GPR161: variants seen among roughly 807,000 people sequenced by gnomAD.
GPR161 encodes G protein-coupled receptor 161.
A neutral mutation model predicts 39.2 loss-of-function variants in GPR161; 25 were observed. That is an observed-to-expected ratio of 0.64 (90% CI 0.47 to 0.89). GPR161 has a LOEUF of 0.89. Among genes scored for constraint, GPR161 ranks in the 40% least tolerant of loss-of-function variants. The probability of loss-of-function intolerance (pLI) is 0.00; values close to 1 mark genes in which losing one functional copy is unlikely to be tolerated. For missense variants in GPR161, 547 were observed against 677.8 expected, an observed-to-expected ratio of 0.81 and a Z score of 2.14; for synonymous variants, 286 against 276.6, an observed-to-expected ratio of 1.03 and a Z score of -0.34.
At chr1:168,095,811 CA>C (rs1327901880) in intron 3 of GPR161, among the ~76,000 whole-genome samples, 3 of 152,000 alleles carry the variant, frequency 2.0e-5, no homozygotes, top group Non-Finnish European at 4.4e-5. Context: ...TGGCCTGGTC[CA>C]ATGCTTGGAT....
chr1:168,122,995 G>A (rs560303456), intron 1 of GPR161, among the ~76,000 whole-genome samples: 2 of 152,180 alleles, frequency 1.3e-5, no homozygotes, highest in Non-Finnish European at 2.9e-5. Flanking sequence ...AATAAATATA[G>A]GAACAATGGG....
intron 1 of GPR161, among the ~76,000 whole-genome samples, chr1:168,122,474 A>G (rs1698255489): frequency 6.6e-6 from 1 of 152,132 alleles, no homozygotes; most frequent in Non-Finnish European, 1.5e-5. Context: ...CAGACATCAA[A>G]ACAAGTCACG....
intron 3 of GPR161, among the ~76,000 whole-genome samples, chr1:168,091,410 A>G (rs1313149897): frequency 6.6e-6 from 1 of 152,154 alleles, no homozygotes; most frequent in Non-Finnish European, 1.5e-5. Flanking sequence ...TGTCCCACTT[A>G]ACCTGGGCTG....
intron 3 of GPR161, among the ~76,000 whole-genome samples, chr1:168,091,193 C>T (rs1026368873): frequency 2.0e-5 from 3 of 152,100 alleles, no homozygotes; most frequent in South Asian, 2.1e-4. Context: ...GCAGGCTTCA[C>T]CAGGCTCTGA....
chr1:168,118,306 A>G (rs754000890), intron 1 of GPR161, among the ~76,000 whole-genome samples: 10 of 152,196 alleles, frequency 6.6e-5, no homozygotes, highest in Non-Finnish European at 1.3e-4. Flanking sequence ...AACACAAACA[A>G]TCCAATTCAA....
Position 168,085,393 on chromosome 1 carries a change from C to G in GPR161, c.*138G>C. Reference sequence around the variant, plus strand: ...TTTTCAGTCCTTGTCCTGGTGGCTGCATACCAGATGCTGCTCCTTCCCTGT... The same window carrying G: ...TTTTCAGTCCTTGTCCTGGTGGCTGGATACCAGATGCTGCTCCTTCCCTGT... On this transcript the variant is annotated 3_prime_UTR_variant, in exon 6 of 6. Coordinates refer to ENST00000682931, the MANE Select transcript of GPR161 (RefSeq NM_001375883.1). 1.3e-6 allele frequency: 1 copy of G among 742,386 alleles called. No individual in the cohort carries two copies. Among genetic ancestry groups the G allele is most frequent in the Non-Finnish European group, 2.3e-6 (1 of 441,838 alleles). The allele number at this position is 742,386 out of a possible 1,614,324, so 46.0% of individuals were successfully genotyped here. A position where few individuals can be genotyped will look rare whatever the true frequency, so the allele number is the denominator to read the frequency against.
At chr1:168,116,917 G>A (rs541564384) in intron 1 of GPR161, among the ~76,000 whole-genome samples, 2 of 152,322 alleles carry the variant, frequency 1.3e-5, no homozygotes, top group South Asian at 2.1e-4. Flanking sequence ...GAAAGGCAAA[G>A]AAGCTAGAGT....
intron 1 of GPR161, chr1:168,135,074 C>T (rs1699265033): frequency 1.4e-6 from 2 of 1,470,598 alleles, no homozygotes; most frequent in African/African-American, 2.8e-5. Flanking sequence ...ATCGTTGCGG[C>T]CTTGGATTAG....
chr1:168,107,938 C>G (rs1485328349), intron 1 of GPR161, among the ~76,000 whole-genome samples: 1 of 152,198 alleles, frequency 6.6e-6, no homozygotes, highest in Non-Finnish European at 1.5e-5. Context: ...GGTAAAAATA[C>G]TAAGTGTATG....
intron 1 of GPR161, among the ~76,000 whole-genome samples, chr1:168,117,229 C>T (rs1697705703): frequency 6.6e-6 from 1 of 152,154 alleles, no homozygotes; most frequent in African/African-American, 2.4e-5. Context: ...CTATTAGATT[C>T]CTTGAGAATT....
At chr1:168,108,745 G>GA (rs1034663784) in intron 1 of GPR161, among the ~76,000 whole-genome samples, 2 of 151,728 alleles carry the variant, frequency 1.3e-5, no homozygotes, top group Admixed American at 6.6e-5. Context: ...ACTGTAGACA[G>GA]AAAAAAGCCT....
chr1:168,083,842 C>T lies in GPR161; in HGVS notation c.*1689G>A, dbSNP rs1694241208. The T allele has an allele frequency of 6.6e-6, 1 of 152,366 alleles. No homozygotes were observed. Among genetic ancestry groups the T allele is most frequent in the East Asian group, 1.9e-4 (1 of 5,178 alleles). 9.4% of individuals were successfully genotyped at this position (152,366 alleles called of 1,614,324 possible). ...AACCATTGGTTTCTGCCACACAACA[C>T]AAAAACACAACCTCACCAGGAGCTA... On this transcript the variant is annotated 3_prime_UTR_variant, in exon 6 of 6. Transcript: ENST00000682931.
intron 3 of GPR161, among the ~76,000 whole-genome samples, chr1:168,092,398 G>A (rs995556073): frequency 5.9e-5 from 9 of 152,294 alleles, no homozygotes; most frequent in South Asian, 2.1e-4. Flanking sequence ...AGGCCAATGC[G>A]GCTCAGCTAA....
intron 5 of GPR161, 111 bp downstream of exon 5, chr1:168,087,474 G>A (rs942203752): frequency 3.9e-6 from 5 of 1,274,064 alleles, no homozygotes; most frequent in African/African-American, 1.5e-5. Flanking sequence ...TGAGCAAAGG[G>A]ATGGAGCCCT....
intron 1 of GPR161, among the ~76,000 whole-genome samples, chr1:168,126,533 C>T (rs1698606311): frequency 6.6e-6 from 1 of 152,110 alleles, no homozygotes; most frequent in Non-Finnish European, 1.5e-5. Flanking sequence ...CCCACTGTAG[C>T]CTCGAACTCT....
At chr1:168,113,597 T>A (rs10918828) in intron 1 of GPR161, among the ~76,000 whole-genome samples, 4,044 of 152,330 alleles carry the variant, frequency 0.027, 166 homozygotes, top group African/African-American at 0.092. Context: ...TGCCCATCAA[T>A]GATAGACTGG....
In GPR161 at chr1:168,124,923, G is replaced by A. The variant is rs182307869; in HGVS notation, c.-45+11816C>T. 2.2e-3 allele frequency among the ~76,000 whole-genome samples: 332 copies of A among 152,222 alleles called. 2 individuals carry two copies. The highest frequency in any genetic ancestry group is 7.4e-3 in the African/African-American group (308 of 41,540). On this transcript the variant is annotated intron_variant, in intron 1 of 5. Coordinates refer to ENST00000682931, the MANE Select transcript of GPR161 (RefSeq NM_001375883.1). Reference sequence around the variant, plus strand: ...GCCCTCACCAGAAGCAGATGCTGGCGCCATGACTCTTGTCCAGTCTGCAGA... The same window carrying A: ...GCCCTCACCAGAAGCAGATGCTGGCACCATGACTCTTGTCCAGTCTGCAGA...
chr1:168,100,387 G>C (rs1304629350), intron 2 of GPR161, among the ~76,000 whole-genome samples: 1 of 152,128 alleles, frequency 6.6e-6, no homozygotes, highest in African/African-American at 2.4e-5. Context: ...ACTCCTATGT[G>C]GGCTAATAAT....
At chr1:168,137,510 A>T, upstream of GPR161, 1 of 921,748 alleles carries the variant, frequency 1.1e-6, no homozygotes, top group Non-Finnish European at 1.7e-6. Context: ...TGGGGAGTGG[A>T]CGTAAACAGG....
Sources: allele counts gnomAD v4.1 joint callset (sites outside exome capture counted in the v4.1 genomes callset), GRCh38; gene constraint gnomAD v4.1.1; transcripts MANE v1.5; gene names NCBI Gene and HGNC (gene_info 2026-07-23, HGNC 2026-07-21).